Variants in FRY observed in about 807,000 individuals in gnomAD.
The protein encoded by FRY is FRY microtubule binding protein, also known as protein furry homolog.
A neutral mutation model predicts 348.4 loss-of-function variants in FRY; 128 were observed. That is an observed-to-expected ratio of 0.37 (90% confidence interval 0.32 to 0.43). The LOEUF (loss-of-function observed/expected upper bound fraction) is 0.43. FRY is among the 20% of genes least tolerant of loss of function. The probability of loss-of-function intolerance (pLI) is 1.00; values close to 1 mark genes in which losing one functional copy is unlikely to be tolerated. For synonymous variants in FRY, 1,370 were observed against 1,374.7 expected (o/e 1.00, Z 0.08); for missense variants, 2,736 against 3,695.2 (o/e 0.74, Z 6.73).
chr13:32,101,270 C>A (rs1011865181), intron 2 of FRY, among the ~76,000 whole-genome samples: 1 of 152,134 alleles, frequency 6.6e-6, no homozygotes, highest in Non-Finnish European at 1.5e-5. Flanking sequence ...ACTCCAGGTT[C>A]GTCCATGTTG....
At chr13:32,231,144 G>T in intron 40 of FRY, 35 bp from the exon 41 acceptor site, 1 of 1,604,254 alleles carries the variant, frequency 6.2e-7, no homozygotes, top group Non-Finnish European at 8.5e-7. Context: ...CAAAATGACA[G>T]TTATATTTTT....
chr13:32,172,251 A>G (rs913875306), intron 18 of FRY, among the ~76,000 whole-genome samples: 19 of 151,940 alleles, frequency 1.3e-4, no homozygotes, highest in East Asian at 1.2e-3. Flanking sequence ...AGGGTTGTGG[A>G]TGTAGATGTG....
chr13:32,292,619 CTG>C (rs1352649631), intron 59 of FRY, among the ~76,000 whole-genome samples: 5 of 151,582 alleles, frequency 3.3e-5, no homozygotes, highest in African/African-American at 2.4e-5. Flanking sequence ...TGGTGAAACC[CTG>C]CCTCTACTAA....
chr13:32,171,389 G>A (rs1313143738), intron 18 of FRY, 119 bp downstream of exon 18: 9 of 783,362 alleles, frequency 1.1e-5, no homozygotes, highest in Admixed American at 2.9e-5. Context: ...TTGACTCACT[G>A]CAACCTCCAC....
chr13:32,211,822 C>G (rs187318797), intron 34 of FRY, among the ~76,000 whole-genome samples: 1 of 152,176 alleles, frequency 6.6e-6, no homozygotes, highest in African/African-American at 2.4e-5. Flanking sequence ...TTCCTCTCCT[C>G]CCTGAGTCTA....
chr13:32,078,713 A>T, intron 1 of FRY, 121 bp from the exon 2 acceptor site: 2 of 816,876 alleles, frequency 2.4e-6, no homozygotes, highest in South Asian at 1.4e-5. Context: ...AGGCCAGGTT[A>T]TAATATTAAG....
chr13:32,103,455 A>G (rs1244848690), intron 3 of FRY, among the ~76,000 whole-genome samples: 4 of 152,226 alleles, frequency 2.6e-5, no homozygotes, highest in Non-Finnish European at 4.4e-5. Context: ...GAATTGAACA[A>G]TGAGAACACA....
chr13:32,151,914 C>T (rs1179604777), intron 14 of FRY, among the ~76,000 whole-genome samples: 1 of 152,142 alleles, frequency 6.6e-6, no homozygotes, highest in Non-Finnish European at 1.5e-5. Flanking sequence ...AGAAAACCTA[C>T]TGGGACTAAT....
chr13:32,044,196 G>C (rs1311747552), intron 1 of FRY, among the ~76,000 whole-genome samples: 1 of 152,090 alleles, frequency 6.6e-6, no homozygotes, highest in Non-Finnish European at 1.5e-5. Context: ...ATTTCCCTTA[G>C]ATACCAAAAG....
At chr13:32,085,952 A>G (rs779276609) in intron 2 of FRY, 1 of 518,998 alleles carries the variant, frequency 1.9e-6, no homozygotes, top group East Asian at 5.4e-5. Flanking sequence ...ACTTAAGAGA[A>G]GACAACACCC....
Position 32,216,497 on chromosome 13 carries a change from C to T in FRY, c.4683-2252C>T, listed in dbSNP as rs150825351. ...GTTGTCATCCATCCTGTAGTTCTTC[C>T]GGGTGCAGGCCCTCCAGGGCACAAT... On this transcript the variant is annotated intron_variant, in intron 35 of 60. Coordinates refer to ENST00000542859, the MANE Select transcript of FRY (RefSeq NM_023037.3). 2.0e-3 allele frequency among the ~76,000 whole-genome samples: 306 copies of T among 152,252 alleles called. 2 individuals carry two copies. The highest frequency in any genetic ancestry group is 6.8e-3 in the African/African-American group (281 of 41,550).
At chr13:32,273,255 G>A (rs920760724) in intron 55 of FRY, among the ~76,000 whole-genome samples, 5 of 135,732 alleles carry the variant, frequency 3.7e-5, no homozygotes, top group Non-Finnish European at 7.7e-5. Flanking sequence ...ACGGAGTCTC[G>A]CTGTCGCCCA....
At chr13:32,060,301 C>T (rs567306877) in intron 1 of FRY, among the ~76,000 whole-genome samples, 4 of 152,198 alleles carry the variant, frequency 2.6e-5, no homozygotes, top group African/African-American at 9.6e-5. Context: ...AGGCAGAACA[C>T]TTAACATTCT....
At chr13:32,059,275 C>T (rs966640489) in intron 1 of FRY, among the ~76,000 whole-genome samples, 4 of 151,722 alleles carry the variant, frequency 2.6e-5, no homozygotes, top group Non-Finnish European at 1.5e-5. Context: ...GCACTGGAGA[C>T]TTGAGGATGA....
At chr13:32,198,442 T>A (rs143409113) in intron 29 of FRY, among the ~76,000 whole-genome samples, 2 of 152,312 alleles carry the variant, frequency 1.3e-5, no homozygotes, top group Non-Finnish European at 2.9e-5. Flanking sequence ...CAGCAATTTG[T>A]AACAATTCCA....
At chr13:32,099,407 T>C (rs1877002221) in intron 2 of FRY, among the ~76,000 whole-genome samples, 1 of 151,884 alleles carries the variant, frequency 6.6e-6, no homozygotes. Context: ...AATGCTCTGC[T>C]GGAGGCTTAA....
At chr13:32,195,811 A>G (rs1230875388) in intron 29 of FRY, among the ~76,000 whole-genome samples, 1 of 152,192 alleles carries the variant, frequency 6.6e-6, no homozygotes, top group African/African-American at 2.4e-5. Flanking sequence ...CAAATATTGC[A>G]TATCTGTTTG....
chr13:32,280,962 T>C (rs1288069132), intron 58 of FRY, among the ~76,000 whole-genome samples: 1 of 152,222 alleles, frequency 6.6e-6, no homozygotes, highest in African/African-American at 2.4e-5. Context: ...TTCCTGGTTC[T>C]TCTTTACCTT....
Position 32,124,631 on chromosome 13 carries a change from A to G in FRY, c.585A>G (p.Leu195=), listed in dbSNP as rs778592562. The G allele has an allele frequency of 8.1e-6, 13 of 1,597,544 alleles. No individual in the cohort carries two copies. In the African/African-American group the frequency reaches 9.4e-5, roughly 12 times the overall value. The change falls in exon 6 of 61, where the codon TTA becomes TTG. Residue 195 remains leucine, a synonymous_variant. Coordinates refer to ENST00000542859, the MANE Select transcript of FRY (RefSeq NM_023037.3). ...CACTTCATCCTGTAATAGACAGTTTAATACATGATGTTATTAACTTGGCTT... is the reference window on the plus strand; with the variant it reads ...CACTTCATCCTGTAATAGACAGTTTGATACATGATGTTATTAACTTGGCTT... The part of the protein sequence containing the change: ...QIPLHPVIDS[L]IHDVINLAFK...
Sources: gnomAD v4.1 joint callset for allele counts (sites outside exome capture counted in the v4.1 genomes callset) on GRCh38, gnomAD v4.1.1 for gene constraint, MANE v1.5 for transcripts, NCBI Gene and HGNC (gene_info 2026-07-23, HGNC 2026-07-21) for gene names.